The following COMMD1 variants were observed in gnomAD, a reference collection of about 807,000 sequenced individuals.
COMMD1 encodes the protein COMM domain-containing protein 1.
A neutral mutation model predicts 17.2 loss-of-function variants in COMMD1; 10 were observed. The observed-to-expected ratio is 0.58, with a 90% CI of 0.36 to 0.99. The LOEUF (loss-of-function observed/expected upper bound fraction) is 0.99. COMMD1 is among the 50% of genes least tolerant of loss of function. COMMD1 has a pLI of 0.01. For missense variants in COMMD1, 270 were observed against 231.8 expected, an observed-to-expected ratio of 1.17 and a Z score of -1.07; for synonymous variants, 97 against 91.6, an observed-to-expected ratio of 1.06 and a Z score of -0.34.
intron 2 of COMMD1, among the ~76,000 whole-genome samples, chr2:62,086,504 C>T (rs1671673061): frequency 7.1e-6 from 1 of 140,472 alleles, no homozygotes; most frequent in African/African-American, 2.9e-5. Flanking sequence ...GAGCAAGACT[C>T]CGTCTCAAAA....
At chr2:62,077,497 G>A (rs1006354654) in intron 2 of COMMD1, among the ~76,000 whole-genome samples, 1 of 152,044 alleles carries the variant, frequency 6.6e-6, no homozygotes, top group African/African-American at 2.4e-5. Context: ...ACATTGTTAC[G>A]CATGTCATAG....
At chr2:61,888,703 C>T (rs974626635), upstream of COMMD1, 12 of 591,864 alleles carry the variant, frequency 2.0e-5, no homozygotes, top group Admixed American at 2.1e-4. Context: ...GGAGGCTGTC[C>T]GCTGCGCGCC....
Position 62,034,647 on chromosome 2 carries a change from C to G in COMMD1, c.462+33665C>G, listed in dbSNP as rs141917832. Among the ~76,000 whole-genome samples, 28 of 152,222 alleles carry G rather than the reference C, an allele frequency of 1.8e-4. No homozygotes were observed. In the East Asian group the frequency reaches 5.4e-3, roughly 29 times the overall value. Reference sequence around the variant, plus strand: ...CTCAACTCATCATTTTGTAATTGGGCCATATCTACCTTGACCAGGAAGTTG... The same window carrying G: ...CTCAACTCATCATTTTGTAATTGGGGCATATCTACCTTGACCAGGAAGTTG... On this transcript the variant is annotated intron_variant, in intron 2 of 2. Transcript: ENST00000311832.
At chr2:62,081,578 C>T (rs1671522283) in intron 2 of COMMD1, among the ~76,000 whole-genome samples, 1 of 151,844 alleles carries the variant, frequency 6.6e-6, no homozygotes, top group Admixed American at 6.6e-5. Flanking sequence ...TAAATGATAT[C>T]CCTTGTTGCT....
At chr2:62,096,526 TC>T (rs1389733422) in intron 2 of COMMD1, among the ~76,000 whole-genome samples, 4 of 152,132 alleles carry the variant, frequency 2.6e-5, no homozygotes, top group Admixed American at 2.0e-4. Flanking sequence ...GTTGTTTTTT[TC>T]CCCCCTCTTC....
At position 61,944,978 on chromosome 2, in the gene COMMD1, A is replaced by G. The variant is rs148680786; in HGVS notation, c.180+39120A>G. Among the ~76,000 whole-genome samples, 37 of 152,312 alleles carry G rather than the reference A, an allele frequency of 2.4e-4. No homozygotes were observed. In the South Asian group the frequency reaches 6.0e-3, roughly 25 times the overall value. ...TTGCTGCTGCAAGGAATTTTAGCCA[A>G]TTCGGAGGCCTTGTTCCCCATAATT... On this transcript the variant is annotated intron_variant, in intron 1 of 2. Transcript: ENST00000311832.
chr2:61,895,362 G>A (rs982360263), intron 1 of COMMD1, among the ~76,000 whole-genome samples: 1 of 152,186 alleles, frequency 6.6e-6, no homozygotes, highest in South Asian at 2.1e-4. Flanking sequence ...CAGCAGAACC[G>A]CACCCAGGTA....
At chr2:62,063,110 A>G (rs1214592476) in intron 2 of COMMD1, among the ~76,000 whole-genome samples, 1 of 152,004 alleles carries the variant, frequency 6.6e-6, no homozygotes, top group Non-Finnish European at 1.5e-5. Context: ...CCAGCTACTC[A>G]GGAGGCTGAA....
intron 1 of COMMD1, among the ~76,000 whole-genome samples, chr2:61,987,245 G>A (rs1310323907): frequency 1.3e-5 from 2 of 152,064 alleles, no homozygotes; most frequent in African/African-American, 2.4e-5. Context: ...GATGCTTGTG[G>A]ATTCTCGTTA....
At chr2:61,940,979 C>T (rs1021450759) in intron 1 of COMMD1, among the ~76,000 whole-genome samples, 7 of 151,410 alleles carry the variant, frequency 4.6e-5, no homozygotes, top group South Asian at 2.1e-4. Flanking sequence ...TGAGCCACTG[C>T]GCCCGGCTGG....
At chr2:61,899,710 T>C (rs1401603635) in intron 1 of COMMD1, among the ~76,000 whole-genome samples, 2 of 152,264 alleles carry the variant, frequency 1.3e-5, no homozygotes, top group Non-Finnish European at 2.9e-5. Context: ...AGTCTTGCTC[T>C]GTCGCCCAGG....
chr2:62,023,500 T>A (rs979070843), intron 2 of COMMD1, among the ~76,000 whole-genome samples: 2 of 151,626 alleles, frequency 1.3e-5, no homozygotes, highest in Admixed American at 6.6e-5. Flanking sequence ...TTTTTTTTTT[T>A]AATACAGAAT....
chr2:61,931,742 A>G (rs936881157), intron 1 of COMMD1, among the ~76,000 whole-genome samples: 5 of 152,246 alleles, frequency 3.3e-5, no homozygotes, highest in African/African-American at 1.2e-4. Flanking sequence ...GCTACTTGAC[A>G]TAAGTGACTT....
chr2:61,953,262 G>A (rs982352051), intron 1 of COMMD1, among the ~76,000 whole-genome samples: 1 of 152,126 alleles, frequency 6.6e-6, no homozygotes, highest in Non-Finnish European at 1.5e-5. Flanking sequence ...TGCCAGCCTC[G>A]GCCTCCCAAC....
chr2:62,087,077 G>A (rs760574110), intron 2 of COMMD1, among the ~76,000 whole-genome samples: 3 of 152,186 alleles, frequency 2.0e-5, no homozygotes, highest in South Asian at 2.1e-4. Context: ...GCCTGCCTTC[G>A]CCTCCCAAAG....
intron 1 of COMMD1, chr2:61,968,945 CTTTTT>C: frequency 4.8e-4 from 103 of 213,482 alleles, no homozygotes; most frequent in Admixed American, 9.1e-4. Flanking sequence ...TTTATTTAGT[CTTTTT>C]TTTTTTTTTT....
chr2:62,123,399 G>C (rs1163659927), intron 2 of COMMD1, among the ~76,000 whole-genome samples: 1 of 151,474 alleles, frequency 6.6e-6, no homozygotes, highest in East Asian at 1.9e-4. Context: ...CAGCTACTTG[G>C]GAGGCTGAGG....
chr2:61,975,607 G>A (rs4129543), intron 1 of COMMD1, among the ~76,000 whole-genome samples: 1 of 151,908 alleles, frequency 6.6e-6, no homozygotes, highest in Non-Finnish European at 1.5e-5. Flanking sequence ...TTCTTTATAA[G>A]CACTGCTTTT....
intron 1 of COMMD1, among the ~76,000 whole-genome samples, chr2:61,990,903 T>TACACAC (rs34009777): frequency 0.19 from 22,108 of 116,002 alleles, 2,515 homozygotes; most frequent in East Asian, 0.35. Context: ...TATATATATA[T>TACACAC]ACACACACAC....
Sources: gnomAD v4.1 joint callset for allele counts (sites outside exome capture counted in the v4.1 genomes callset) on GRCh38, gnomAD v4.1.1 for gene constraint, MANE v1.5 for transcripts, NCBI Gene and HGNC (gene_info 2026-07-23, HGNC 2026-07-21) for gene names.